CEP290: variants seen among roughly 807,000 people sequenced by gnomAD.
The protein encoded by CEP290 is centrosomal protein 290.
In CEP290, 317 loss-of-function variants were observed where a neutral mutation model predicts 344.9. That is an observed-to-expected ratio of 0.92 (90% CI 0.84 to 1.01). The LOEUF (loss-of-function observed/expected upper bound fraction) is 1.01. Among genes scored for constraint, CEP290 ranks in the 50% least tolerant of loss-of-function variants. The probability of loss-of-function intolerance (pLI) is 0.00; values close to 1 mark genes in which losing one functional copy is unlikely to be tolerated. For missense variants in CEP290, 2,754 were observed against 2,761.4 expected (o/e 1.00, Z 0.06); for synonymous variants, 932 against 895.8 (o/e 1.04, Z -0.72).
chr12:88,131,245 T>G (rs372837692), intron 6 of CEP290, 27 bp from the exon 7 acceptor site: 67 of 1,419,674 alleles, frequency 4.7e-5, no homozygotes, highest in Non-Finnish European at 5.8e-5. Flanking sequence ...AAAAAATAAA[T>G]AAGAAGAAGA....
At chr12:88,078,998 C>A in intron 39 of CEP290, 94 bp downstream of exon 39, 1 of 1,091,016 alleles carries the variant, frequency 9.2e-7, no homozygotes, top group Non-Finnish European at 1.2e-6. Flanking sequence ...TATAAATTCC[C>A]TATTCATCAA....
chr12:88,130,172 G>C (rs1241402803), intron 9 of CEP290, 96 bp downstream of exon 9: 2 of 1,222,252 alleles, frequency 1.6e-6, no homozygotes, highest in Admixed American at 5.0e-5. Flanking sequence ...ATTTATACCA[G>C]GGAATTTACA....
intron 48 of CEP290, 98 bp downstream of exon 48, chr12:88,059,800 C>T (rs1592739086): frequency 2.1e-6 from 2 of 974,548 alleles, no homozygotes; most frequent in African/African-American, 1.7e-5. Flanking sequence ...TAATATCTAC[C>T]TTTACAGACA....
rs1389950539 is a variant in CEP290, at chr12:88,093,916, T to C, written c.3163A>G (p.Ile1055Val). 1 of 1,612,706 alleles carries C rather than the reference T, an allele frequency of 6.2e-7. No homozygotes were observed. The highest frequency in any genetic ancestry group is 1.7e-5 in the Admixed American group (1 of 59,938). ...KSITNSDIVS[I>V]SKKITMLEMK... ...TCCAGCATAGTTATTTTTTTTGAAA[T>C]GGAAACAATGTCACTGTTGGTTATT... Residue 1055 changes from isoleucine (I) to valine (V), a missense_variant, in exon 28 of 54, where the codon ATT (isoleucine) becomes GTT (valine). Coordinates refer to ENST00000552810, the MANE Select transcript of CEP290 (RefSeq NM_025114.4).
Position 88,049,159 on chromosome 12 carries a change from A to G in CEP290, c.*25T>C. The G allele has an allele frequency of 7.2e-7, 1 of 1,395,804 alleles. No homozygotes were observed. Among genetic ancestry groups the G allele is most frequent in the Non-Finnish European group, 9.9e-7 (1 of 1,014,890 alleles). The allele number at this position is 1,395,804 out of a possible 1,614,324, so 86.5% of individuals were successfully genotyped here. ...ACTTATAAAGTTAATAAATAGTTAA[A>G]TGAAACAAAGTTTATAGGTGACCTT... On this transcript the variant is annotated 3_prime_UTR_variant, in exon 54 of 54. Coordinates refer to ENST00000552810, the MANE Select transcript of CEP290 (RefSeq NM_025114.4).
At position 88,121,067 on chromosome 12, in the gene CEP290, GC is replaced by G; in HGVS notation, c.1288del (p.Ala430LeufsTer12). 6.2e-7 allele frequency: 1 copy of G among 1,613,464 alleles called. No individual in the cohort carries two copies. The highest frequency in any genetic ancestry group is 8.5e-7 in the Non-Finnish European group (1 of 1,179,674). On this transcript the variant is annotated frameshift_variant, in exon 14 of 54. Coordinates refer to ENST00000552810, the MANE Select transcript of CEP290 (RefSeq NM_025114.4). LOFTEE classifies it high-confidence loss of function. Reference protein sequence around the residue: ...TKEAERTAELAEADAREKDKE... With the variant: ...TKEAERTAELXEADAREKDKE... ...ATCCTTTTCCCTAGCATCAGCCTCA[GC>G]CAGTTCAGCTGTTCTCTCAGCCTCT... is the stretch of plus-strand genomic sequence containing the variant.
intron 6 of CEP290, among the ~76,000 whole-genome samples, chr12:88,134,213 C>G (rs1439075160): frequency 6.6e-6 from 1 of 152,180 alleles, no homozygotes; most frequent in Non-Finnish European, 1.5e-5. Flanking sequence ...ATGAATGGCA[C>G]TATCTACCTA....
intron 34 of CEP290, among the ~76,000 whole-genome samples, chr12:88,085,545 A>C (rs1436583239): frequency 6.6e-6 from 1 of 152,112 alleles, no homozygotes; most frequent in African/African-American, 2.4e-5. Flanking sequence ...AAACACATTC[A>C]GTTTACATTA....
intron 38 of CEP290, among the ~76,000 whole-genome samples, chr12:88,079,901 ATATAT>A (rs1209052894): frequency 8.5e-5 from 13 of 152,238 alleles, no homozygotes; most frequent in South Asian, 2.1e-4. Flanking sequence ...ACAATGTAAT[ATATAT>A]TATATTTTTG....
intron 44 of CEP290, among the ~76,000 whole-genome samples, chr12:88,067,338 T>C (rs1468849887): frequency 1.3e-5 from 2 of 152,188 alleles, no homozygotes; most frequent in Non-Finnish European, 2.9e-5. Context: ...CTTACACACT[T>C]TCCCATTTGC....
chr12:88,108,216 C>T (rs919216272), intron 23 of CEP290, among the ~76,000 whole-genome samples: 6 of 152,040 alleles, frequency 3.9e-5, no homozygotes, highest in Admixed American at 2.6e-4. Flanking sequence ...CCCAGTATAG[C>T]GGTATCATTC....
At chr12:88,078,717 T>C (rs189575844) in intron 39 of CEP290, among the ~76,000 whole-genome samples, 1 of 152,222 alleles carries the variant, frequency 6.6e-6, no homozygotes, top group African/African-American at 2.4e-5. Context: ...TTTTAACAAA[T>C]GTACCACTTT....
chr12:88,082,484 C>T (rs1016990635), intron 37 of CEP290, among the ~76,000 whole-genome samples: 3 of 151,918 alleles, frequency 2.0e-5, no homozygotes, highest in African/African-American at 4.8e-5. Flanking sequence ...CTTGAGCTCA[C>T]GAGTTCAAGA....
At chr12:88,060,751 T>C (rs534219714) in intron 47 of CEP290, 79 bp downstream of exon 47, 18 of 1,044,294 alleles carry the variant, frequency 1.7e-5, no homozygotes, top group South Asian at 1.7e-4. Context: ...TATATAGTAA[T>C]GAGCATATTT....
Position 88,118,670 on chromosome 12 carries a change from T to C in CEP290, c.1596A>G (p.Arg532=), listed in dbSNP as rs770310236. The C allele has an allele frequency of 2.5e-6, 4 of 1,613,608 alleles. No individual in the cohort carries two copies. Residue 532 remains arginine (R), a synonymous_variant, in exon 16 of 54, where the codon AGA becomes AGG. Coordinates refer to ENST00000552810, the MANE Select transcript of CEP290 (RefSeq NM_025114.4). ...CTTTCAAAAGAATCTGGTTTTCAGCTCTGTACTGCTGCTGTTTTAAGTGTT... is the reference window on the plus strand; with the variant it reads ...CTTTCAAAAGAATCTGGTTTTCAGCCCTGTACTGCTGCTGTTTTAAGTGTT... The part of the protein sequence containing the change: ...NSKHLKQQQY[R]AENQILLKEI...
At chr12:88,085,359 GGTGA>G (rs767004844) in intron 34 of CEP290, among the ~76,000 whole-genome samples, 6 of 152,060 alleles carry the variant, frequency 3.9e-5, no homozygotes, top group South Asian at 2.1e-4. Flanking sequence ...AGAGGATTAA[GGTGA>G]GTATTTTAAA....
At position 88,115,225 on chromosome 12, in the gene CEP290, A is replaced by G. The variant is rs908925233; in HGVS notation, c.1825-43T>C. On this transcript the variant is annotated intron_variant, in intron 18 of 53. Coordinates refer to ENST00000552810, the MANE Select transcript of CEP290 (RefSeq NM_025114.4). ...AATAAAATTGATTTTTTTCAACAAA[A>G]TATCACAAGTCTATAATTTTCAAGT... 4.9e-6 allele frequency: 5 copies of G among 1,027,746 alleles called. No homozygotes were observed. The African/African-American group carries it at 6.6e-5, about 13-fold the overall frequency. 63.7% of individuals were successfully genotyped at this position (1,027,746 alleles called of 1,614,324 possible).
At chr12:88,139,002 T>G (rs1465675281) in intron 5 of CEP290, 143 bp downstream of exon 5, 17 of 523,132 alleles carry the variant, frequency 3.2e-5, no homozygotes, top group Non-Finnish European at 5.6e-5. Flanking sequence ...ATAATAGGCA[T>G]GTAGAACATA....
chr12:88,053,674 A>T lies in CEP290; in HGVS notation c.7107T>A (p.Ser2369Arg). 6.5e-7 allele frequency: 1 copy of T among 1,542,860 alleles called. No homozygotes were observed. The change falls in exon 52 of 54, where the codon AGT becomes AGA. Residue 2369 changes from serine (S) to arginine (R), a missense_variant. By Grantham distance (110) the Ser-to-Arg change is moderately radical (BLOSUM62 -1). Coordinates refer to ENST00000552810, the MANE Select transcript of CEP290 (RefSeq NM_025114.4). ...TACCAGGTATGGTGCTTTCAGCTCCACTTTGGTCCTTGTTAGCTTCTATCT... is the reference window on the plus strand; with the variant it reads ...TACCAGGTATGGTGCTTTCAGCTCCTCTTTGGTCCTTGTTAGCTTCTATCT... ...IHQIEANKDQSGAESTIPDAD... is the reference protein window; with the variant it reads ...IHQIEANKDQRGAESTIPDAD...
Sources: gnomAD v4.1 joint callset for allele counts (sites outside exome capture counted in the v4.1 genomes callset) on GRCh38, gnomAD v4.1.1 for gene constraint, MANE v1.5 for transcripts, NCBI Gene and HGNC (gene_info 2026-07-23, HGNC 2026-07-21) for gene names.